The following SPAG9 variants were observed in gnomAD, a reference collection of about 807,000 sequenced individuals.
SPAG9 encodes the protein C-Jun-amino-terminal kinase-interacting protein 4.
Under a neutral mutation model 166.5 loss-of-function variants are expected in SPAG9, and 35 were observed. The ratio of observed to expected loss-of-function variants is 0.21; its 90% confidence interval spans 0.16 to 0.28. The LOEUF (loss-of-function observed/expected upper bound fraction) is 0.28. Among genes scored for constraint, SPAG9 ranks in the 10% least tolerant of loss-of-function variants. The pLI is 1.00. For missense variants in SPAG9, 1,235 were observed against 1,603.3 expected, an observed-to-expected ratio of 0.77 and a Z score of 3.92; for synonymous variants, 534 against 565.5, an observed-to-expected ratio of 0.94 and a Z score of 0.79.
In SPAG9 at chr17:51,106,624, C is replaced by A. The variant is rs2048958257; in HGVS notation, c.303+13730G>T. 2.0e-5 allele frequency among the ~76,000 whole-genome samples: 3 copies of A among 152,102 alleles called. No homozygotes were observed. In the South Asian group the frequency reaches 6.2e-4, roughly 32 times the overall value. The stretch of plus-strand genomic sequence containing the variant: ...CCAGCCTGGCCAACATGGTGAAACC[C>A]TGTCTCTACCAAAAATACAAAAATT... On this transcript the variant is annotated intron_variant, in intron 1 of 29. Transcript: ENST00000262013.
chr17:51,102,882 C>G (rs766769942), intron 1 of SPAG9, among the ~76,000 whole-genome samples: 5 of 152,118 alleles, frequency 3.3e-5, no homozygotes, highest in Non-Finnish European at 7.4e-5. Flanking sequence ...TGGGCTCAAT[C>G]TCTTGAGTAG....
At chr17:50,984,382 C>A (rs1038640741) in intron 24 of SPAG9, among the ~76,000 whole-genome samples, 1 of 152,046 alleles carries the variant, frequency 6.6e-6, no homozygotes, top group Admixed American at 6.6e-5. Context: ...AAATGCCTCC[C>A]TATCACATTA....
At chr17:50,981,644 G>A (rs1422012016) in intron 25 of SPAG9, among the ~76,000 whole-genome samples, 1 of 151,692 alleles carries the variant, frequency 6.6e-6, no homozygotes, top group Non-Finnish European at 1.5e-5. Flanking sequence ...GGGTGAAGGA[G>A]GGCTTTCACC....
intron 22 of SPAG9, among the ~76,000 whole-genome samples, chr17:50,986,242 A>T (rs889486625): frequency 6.6e-6 from 1 of 152,208 alleles, no homozygotes; most frequent in Non-Finnish European, 1.5e-5. Context: ...GTGGGGGGGA[A>T]ATCAAGGGTA....
rs1235534726 is a variant in SPAG9, at chr17:51,059,058, C to T, written c.425-2576G>A. On this transcript the variant is annotated intron_variant, in intron 2 of 29. Coordinates refer to ENST00000262013, the MANE Select transcript of SPAG9 (RefSeq NM_001130528.3). ...ATTCATGTACTGGAATACTGTACAACGTGAATAAACAAATTATTGCCACAC... is the reference window on the plus strand; with the variant it reads ...ATTCATGTACTGGAATACTGTACAATGTGAATAAACAAATTATTGCCACAC... 2.2e-4 allele frequency among the ~76,000 whole-genome samples: 34 copies of T among 152,092 alleles called. 1 individual carries two copies. Among genetic ancestry groups the T allele is most frequent in the Admixed American group, 2.0e-3 (31 of 15,262 alleles).
At chr17:51,110,692 CATAAA>C (rs2049083564) in intron 1 of SPAG9, among the ~76,000 whole-genome samples, 2 of 151,958 alleles carry the variant, frequency 1.3e-5, no homozygotes, top group African/African-American at 2.4e-5. Flanking sequence ...AAAAAAATAA[CATAAA>C]ATAAAATTCT....
At chr17:51,074,162 G>T (rs1166218074) in intron 2 of SPAG9, among the ~76,000 whole-genome samples, 1 of 151,956 alleles carries the variant, frequency 6.6e-6, no homozygotes, top group Non-Finnish European at 1.5e-5. Flanking sequence ...CGTGAACCCG[G>T]GAGGCAGAGC....
rs1013555402 is a variant in SPAG9 at position 51,096,759 on chromosome 17, T to TA, written c.304-17056dup. Among the ~76,000 whole-genome samples the TA allele has an allele frequency of 4.1e-4, 62 of 151,082 alleles. 1 individual carries two copies. Among genetic ancestry groups the TA allele is most frequent in the Admixed American group, 3.1e-3 (47 of 15,124 alleles). On this transcript the variant is annotated intron_variant, in intron 1 of 29. Coordinates refer to ENST00000262013, the MANE Select transcript of SPAG9 (RefSeq NM_001130528.3). ...ATATCAACATGGACAGATCAACAGG[T>TA]AAAAAAAAATAAAATGCAAGATTAT...
chr17:51,037,308 T>C (rs1037035396), intron 5 of SPAG9, among the ~76,000 whole-genome samples: 4 of 151,586 alleles, frequency 2.6e-5, no homozygotes, highest in Non-Finnish European at 5.9e-5. Flanking sequence ...CGCTTGACAC[T>C]AGAGGAATAA....
intron 1 of SPAG9, among the ~76,000 whole-genome samples, chr17:51,119,734 G>A (rs1312938559): frequency 6.6e-6 from 1 of 152,032 alleles, no homozygotes; most frequent in Non-Finnish European, 1.5e-5. Context: ...CTTTGGTTTG[G>A]GATACCAACG....
At chr17:51,047,512 A>C in intron 3 of SPAG9, 43 bp from the exon 4 acceptor site, 1 of 913,212 alleles carries the variant, frequency 1.1e-6, no homozygotes, top group Non-Finnish European at 1.7e-6. Flanking sequence ...TAAGGCTAAT[A>C]CCTGGAATAA....
At chr17:51,061,506 A>C (rs1277454892) in intron 2 of SPAG9, among the ~76,000 whole-genome samples, 1 of 149,826 alleles carries the variant, frequency 6.7e-6, no homozygotes, top group Non-Finnish European at 1.5e-5. Flanking sequence ...GCTACTCAGA[A>C]GGCTGAGGCA....
At chr17:51,049,176 C>G (rs532149503) in intron 3 of SPAG9, among the ~76,000 whole-genome samples, 5 of 151,544 alleles carry the variant, frequency 3.3e-5, no homozygotes, top group African/African-American at 1.2e-4. Context: ...AATTTGAGAT[C>G]AGCCTGGGCA....
intron 5 of SPAG9, among the ~76,000 whole-genome samples, chr17:51,037,991 TC>T (rs2046686718): frequency 6.6e-6 from 1 of 152,086 alleles, no homozygotes; most frequent in African/African-American, 2.4e-5. Context: ...AATACAAAAC[TC>T]CTCTGCTTTC....
intron 1 of SPAG9, among the ~76,000 whole-genome samples, 169 bp from the exon 2 acceptor site, chr17:51,079,873 C>A (rs2048113181): frequency 6.6e-6 from 1 of 152,070 alleles, no homozygotes; most frequent in Non-Finnish European, 1.5e-5. Context: ...GTTTAAAAAA[C>A]TCCCAAATAT....
intron 18 of SPAG9, 45 bp downstream of exon 18, chr17:50,995,012 C>T (rs369467214): frequency 2.7e-6 from 4 of 1,499,750 alleles, no homozygotes; most frequent in African/African-American, 1.4e-5. Context: ...AAGAGTTAAA[C>T]TCATAGTCTC....
chr17:51,101,834 A>C (rs892138822), intron 1 of SPAG9, among the ~76,000 whole-genome samples: 1 of 151,816 alleles, frequency 6.6e-6, no homozygotes, highest in Non-Finnish European at 1.5e-5. Flanking sequence ...CATGTTGGCC[A>C]GACTGTTCTC....
At chr17:50,995,668 T>C in intron 16 of SPAG9, 135 bp from the exon 17 acceptor site, 1 of 633,696 alleles carries the variant, frequency 1.6e-6, no homozygotes, top group Non-Finnish European at 2.8e-6. Context: ...GGTTTTTTGT[T>C]TTTTTGTTTT....
chr17:51,075,819 G>C (rs2047953984), intron 2 of SPAG9, among the ~76,000 whole-genome samples: 1 of 151,394 alleles, frequency 6.6e-6, no homozygotes, highest in Non-Finnish European at 1.5e-5. Flanking sequence ...GCCAGACTCG[G>C]TCTCTGAGAA....
Sources: gnomAD v4.1 joint callset for allele counts (sites outside exome capture counted in the v4.1 genomes callset) on GRCh38, gnomAD v4.1.1 for gene constraint, MANE v1.5 for transcripts, NCBI Gene and HGNC (gene_info 2026-07-23, HGNC 2026-07-21) for gene names.